The following NOX4 variants were observed in gnomAD, a reference collection of about 807,000 sequenced individuals.
NOX4 encodes NADPH oxidase 4, also known as kidney oxidase-1.
NOX4 carries 69 observed loss-of-function variants against 87.6 expected under a neutral mutation model. That is an observed-to-expected ratio of 0.79 (90% CI 0.65 to 0.96). NOX4 has a LOEUF of 0.96. Among genes scored for constraint, NOX4 ranks in the 40% least tolerant of loss-of-function variants. The pLI is 0.00. For synonymous variants in NOX4, 275 were observed against 238.2 expected (o/e 1.15, Z -1.42); for missense variants, 680 against 681.5 (o/e 1.00, Z 0.02).
upstream of NOX4, among the ~76,000 whole-genome samples, chr11:89,501,223 A>C (rs1947013760): frequency 6.6e-6 from 1 of 152,084 alleles, no homozygotes; most frequent in Non-Finnish European, 1.5e-5. Flanking sequence ...CTGCTAATGG[A>C]AAATCTCTCT....
chr11:89,340,236 AT>A, intron 14 of NOX4, 65 bp from the exon 15 acceptor site: 1 of 1,109,878 alleles, frequency 9.0e-7, no homozygotes, highest in South Asian at 1.4e-5. Context: ...GAATTCGTAT[AT>A]TTTTTAAAGT....
In NOX4 at chr11:89,400,020, T is replaced by C. The variant is rs1941732947; in HGVS notation, c.1071A>G (p.Thr357=). 3.7e-6 allele frequency: 6 copies of C among 1,605,916 alleles called. No homozygotes were observed. Among genetic ancestry groups the C allele is most frequent in the South Asian group, 3.3e-5 (3 of 90,498 alleles). ...AAGCAAGAGATATGTTTCTTACCAT[T>C]GTGAGGGTAAATGGATGATTTTCTA... ...SALENHPFTL[T]MCPTETKATF... The change falls in exon 11 of 18, where the codon ACA becomes ACG. Residue 357 remains threonine (T), a synonymous_variant. Coordinates refer to ENST00000263317, the MANE Select transcript of NOX4 (RefSeq NM_016931.5).
At chr11:89,494,653 A>G (rs541566557), upstream of NOX4, among the ~76,000 whole-genome samples, 37 of 152,276 alleles carry the variant, frequency 2.4e-4, no homozygotes, top group African/African-American at 7.7e-4. Context: ...CTCAAGCATA[A>G]CTCTCCAGTA....
At chr11:89,588,610 G>A in the NOX4 span, among the ~76,000 whole-genome samples, 1 of 152,142 alleles carries the variant, frequency 6.6e-6, no homozygotes, top group African/African-American at 2.4e-5. Context: ...TATGCTGCAG[G>A]CCTCTGCACT....
chr11:89,514,293 A>T, the NOX4 span, among the ~76,000 whole-genome samples: 2 of 151,728 alleles, frequency 1.3e-5, no homozygotes, highest in African/African-American at 4.8e-5. Context: ...TCTTAATTTC[A>T]TTTTCATATT....
At chr11:89,562,051 G>A in the NOX4 span, among the ~76,000 whole-genome samples, 1 of 152,172 alleles carries the variant, frequency 6.6e-6, no homozygotes. Context: ...AATAGGGTAA[G>A]TGTTACTGAG....
chr11:89,365,766 A>AAC (rs1565201548), intron 12 of NOX4, among the ~76,000 whole-genome samples: 1 of 151,256 alleles, frequency 6.6e-6, no homozygotes, highest in African/African-American at 2.4e-5. Flanking sequence ...AAAAAAAAAA[A>AAC]AAAAAAAAAA....
At chr11:89,423,552 G>C (rs1943205197) in intron 7 of NOX4, among the ~76,000 whole-genome samples, 1 of 151,914 alleles carries the variant, frequency 6.6e-6, no homozygotes, top group South Asian at 2.1e-4. Flanking sequence ...AGTCATTTTT[G>C]CAAGTAAGTC....
intron 12 of NOX4, among the ~76,000 whole-genome samples, chr11:89,356,432 A>AT: frequency 9.7e-6 from 1 of 102,822 alleles, no homozygotes; most frequent in African/African-American, 8.2e-5. Flanking sequence ...GAAGGGGGAA[A>AT]AAAAAAGGAC....
the NOX4 span, among the ~76,000 whole-genome samples, chr11:89,562,865 A>G: frequency 1.3e-5 from 2 of 152,084 alleles, no homozygotes; most frequent in Admixed American, 6.6e-5. Context: ...TGTAATCCCC[A>G]CATGTTGAGG....
At chr11:89,584,024 T>G in the NOX4 span, among the ~76,000 whole-genome samples, 1 of 152,166 alleles carries the variant, frequency 6.6e-6, no homozygotes, top group Non-Finnish European at 1.5e-5. Flanking sequence ...TTTCACATTC[T>G]TACTTTCCTT....
At chr11:89,559,262 C>T in the NOX4 span, among the ~76,000 whole-genome samples, 62 of 151,916 alleles carry the variant, frequency 4.1e-4, 1 homozygote, top group African/African-American at 1.5e-3. Context: ...AAAAGAGTTT[C>T]AAGAAGAATA....
At chr11:89,519,537 A>ACC in the NOX4 span, among the ~76,000 whole-genome samples, 2 of 152,098 alleles carry the variant, frequency 1.3e-5, no homozygotes, top group African/African-American at 4.8e-5. Flanking sequence ...AAAAGAGGTG[A>ACC]ACATTTTTTC....
At chr11:89,391,717 G>A (rs1941137678) in intron 11 of NOX4, among the ~76,000 whole-genome samples, 1 of 143,146 alleles carries the variant, frequency 7.0e-6, no homozygotes, top group African/African-American at 2.7e-5. Context: ...CCCAGCCTGG[G>A]TGACAGAGGC....
intron 2 of NOX4, among the ~76,000 whole-genome samples, chr11:89,481,975 C>T (rs1305015305): frequency 6.6e-6 from 1 of 152,034 alleles, no homozygotes; most frequent in Non-Finnish European, 1.5e-5. Flanking sequence ...TTCTGGGAGT[C>T]AGTTCCCTGA....
At chr11:89,471,866 T>C (rs1246583090) in intron 2 of NOX4, among the ~76,000 whole-genome samples, 2 of 152,164 alleles carry the variant, frequency 1.3e-5, no homozygotes, top group African/African-American at 4.8e-5. Flanking sequence ...CTCAGCCTAC[T>C]GAGTAACTTG....
intron 2 of NOX4, among the ~76,000 whole-genome samples, chr11:89,483,257 T>A (rs10830278): frequency 0.74 from 111,945 of 151,886 alleles, 41,622 homozygotes; most frequent in Non-Finnish European, 0.79. Flanking sequence ...AATGGCTGAT[T>A]TTTGACTGTT....
chr11:89,538,213 T>A, the NOX4 span, among the ~76,000 whole-genome samples: 3 of 152,206 alleles, frequency 2.0e-5, no homozygotes, highest in African/African-American at 7.2e-5. Context: ...CCTGGCTGCA[T>A]TTGTTTGCTC....
intron 2 of NOX4, among the ~76,000 whole-genome samples, chr11:89,458,619 A>C (rs1033837424): frequency 1.3e-5 from 2 of 152,180 alleles, no homozygotes; most frequent in Non-Finnish European, 2.9e-5. Flanking sequence ...AAAAACAAAC[A>C]ATCTCATTAA....
Sources: allele counts gnomAD v4.1 joint callset (sites outside exome capture counted in the v4.1 genomes callset), GRCh38; gene constraint gnomAD v4.1.1; transcripts MANE v1.5; gene names NCBI Gene and HGNC (gene_info 2026-07-23, HGNC 2026-07-21).